Variants in NPHS1 observed in about 807,000 individuals in gnomAD.
The protein encoded by NPHS1 is nephrin.
A neutral mutation model predicts 139.7 loss-of-function variants in NPHS1; 107 were observed. The observed-to-expected ratio is 0.77, with a 90% CI of 0.66 to 0.90. The LOEUF (loss-of-function observed/expected upper bound fraction) is 0.90, where lower values mean the gene tolerates loss of function less well. Among genes scored for constraint, NPHS1 ranks in the 40% least tolerant of loss-of-function variants. The probability of loss-of-function intolerance (pLI) is 0.00; values close to 1 mark genes in which losing one functional copy is unlikely to be tolerated. For missense variants in NPHS1, 1,580 were observed against 1,654.2 expected (o/e 0.96, Z 0.78); for synonymous variants, 707 against 706.6 (o/e 1.00, Z -0.01).
chr19:35,835,651 C>T lies in NPHS1; in HGVS notation c.3166+54G>A, dbSNP rs200041658. ...AAGCAGAGGAGGTAGGGTCAGAGACCAGGAGGTTCCATTCTCAGGGGAGCC... is the reference window on the plus strand; with the variant it reads ...AAGCAGAGGAGGTAGGGTCAGAGACTAGGAGGTTCCATTCTCAGGGGAGCC... On this transcript the variant is annotated intron_variant, in intron 23 of 28. Transcript: ENST00000378910. 3.5e-4 allele frequency: 512 copies of T among 1,481,598 alleles called. 1 individual carries two copies. Among genetic ancestry groups the T allele is most frequent in the Non-Finnish European group, 3.7e-4 (388 of 1,060,466 alleles). The allele number at this position is 1,481,598 out of a possible 1,614,324, so 91.8% of individuals were successfully genotyped here. A position where few individuals can be genotyped will look rare whatever the true frequency, so the allele number is the denominator to read the frequency against.
At chr19:35,837,747 C>A (rs965724670) in intron 22 of NPHS1, among the ~76,000 whole-genome samples, 5 of 151,982 alleles carry the variant, frequency 3.3e-5, no homozygotes, top group African/African-American at 1.2e-4. Flanking sequence ...GGATTACAGG[C>A]ATGTGCCACC....
At position 35,849,336 on chromosome 19, in the gene NPHS1, C is replaced by T. The variant is rs1599845689; in HGVS notation, c.740G>A (p.Trp247Ter). ...CACGTGCCCCTCATCCAGGCCTGGC[C>T]ACTCGATGACAGGGGGTCCTGGAGG... is the stretch of plus-strand genomic sequence containing the variant. ...LFPPGPPVIE[W>*]PGLDEGHVRA... is the part of the protein sequence containing the mutation. The change falls in exon 7 of 29, where the codon TGG becomes TAG. Residue 247 changes from tryptophan (W) to a stop codon, truncating the protein, a stop_gained. Transcript: ENST00000378910. LOFTEE classifies it high-confidence loss of function. 1 of 1,612,678 alleles carries T rather than the reference C, an allele frequency of 6.2e-7. No individual in the cohort carries two copies. The highest frequency in any genetic ancestry group is 8.5e-7 in the Non-Finnish European group (1 of 1,179,922).
chr19:35,832,069 C>T (rs1972893194), intron 23 of NPHS1, among the ~76,000 whole-genome samples: 1 of 152,204 alleles, frequency 6.6e-6, no homozygotes, highest in Admixed American at 6.5e-5. Context: ...CAGCCTCTTC[C>T]CACGCCTCCA....
Position 35,849,452 on chromosome 19 carries a change from C to T in NPHS1, c.713-89G>A, listed in dbSNP as rs1038143609. ...CCTGCCTTTGAACCCCCATGTTTCTCTGAGTGCCTGAATTTCCATAATCCC... is the reference window on the plus strand; with the variant it reads ...CCTGCCTTTGAACCCCCATGTTTCTTTGAGTGCCTGAATTTCCATAATCCC... On this transcript the variant is annotated intron_variant, in intron 6 of 28. Transcript: ENST00000378910. 3 of 1,598,130 alleles carry T rather than the reference C, an allele frequency of 1.9e-6. No homozygotes were observed. In the African/African-American group the frequency reaches 4.0e-5, roughly 21 times the overall value.
chr19:35,835,942 A>C (rs1445134173), intron 22 of NPHS1, among the ~76,000 whole-genome samples, 181 bp from the exon 23 acceptor site: 1 of 148,946 alleles, frequency 6.7e-6, no homozygotes, highest in African/African-American at 2.5e-5. Flanking sequence ...TAGCAATTCT[A>C]ATGGTAACGC....
At chr19:35,831,783 T>C (rs549577729) in intron 23 of NPHS1, 21 bp from the exon 24 acceptor site, 13 of 1,554,196 alleles carry the variant, frequency 8.4e-6, no homozygotes, top group Non-Finnish European at 1.1e-5. Flanking sequence ...AAGATACCCC[T>C]CAGTGAATCC....
intron 8 of NPHS1, 55 bp downstream of exon 8, chr19:35,848,921 C>T (rs979891525): frequency 9.3e-6 from 15 of 1,610,954 alleles, no homozygotes; most frequent in Non-Finnish European, 1.3e-5. Context: ...GGGGCACACA[C>T]AGATGGTTCT....
chr19:35,831,529 T>A (rs989347374), intron 24 of NPHS1, 29 bp from the exon 25 acceptor site: 1 of 1,613,818 alleles, frequency 6.2e-7, no homozygotes, highest in Non-Finnish European at 8.5e-7. Context: ...AAGGGCTCAG[T>A]GACCCTATGC....
Position 35,831,326 on chromosome 19 carries a change from C to A in NPHS1, c.3357G>T (p.Trp1119Cys). 1 of 1,614,118 alleles carries A rather than the reference C, an allele frequency of 6.2e-7. No homozygotes were observed. The highest frequency in any genetic ancestry group is 8.5e-7 in the Non-Finnish European group (1 of 1,180,012). ...RVRNEYEESQ[W>C]TGERDTQSST... ...AGCTCTGAGTGTCCCGCTCTCCTGT[C>A]CACTGGCTCTCCTCATATTCGTTCC... The change falls in exon 26 of 29, where the codon TGG becomes TGT. Residue 1119 changes from tryptophan to cysteine, a missense_variant. Physicochemically the swap from Trp to Cys is radical, Grantham distance 215 (BLOSUM62 -2). Transcript: ENST00000378910.
chr19:35,843,757 T>C, intron 16 of NPHS1, 164 bp from the exon 17 acceptor site: 2 of 851,966 alleles, frequency 2.3e-6, no homozygotes, highest in South Asian at 1.7e-5. Context: ...TCAAGGTTGG[T>C]GAGGTTGTCT....
intron 28 of NPHS1, among the ~76,000 whole-genome samples, chr19:35,830,624 G>A (rs547906824): frequency 6.6e-4 from 101 of 152,316 alleles, no homozygotes; most frequent in Non-Finnish European, 9.3e-4. Flanking sequence ...GCCCAGGCTC[G>A]TCTCAAACTT....
intron 28 of NPHS1, among the ~76,000 whole-genome samples, chr19:35,828,943 G>A (rs1180391934): frequency 2.9e-5 from 4 of 139,040 alleles, no homozygotes; most frequent in South Asian, 4.9e-4. Flanking sequence ...CACAGAGACA[G>A]AAGGAAATCC....
chr19:35,852,177 C>G lies in NPHS1; in HGVS notation c.-340G>C, dbSNP rs1137844. On this transcript the variant is annotated 5_prime_UTR_variant, in exon 1 of 29. Transcript: ENST00000378910. ...CTCTTTCCTTCAAGCCATCCTCCCA[C>G]CTTGGCCTCCCCAAGTGTTGGGATT... Among the ~76,000 whole-genome samples, 38,798 of 150,262 alleles carry G rather than the reference C, an allele frequency of 0.26. 6,500 individuals carry two copies. Among genetic ancestry groups the G allele is most frequent in the East Asian group, 0.64 (3,204 of 5,028 alleles).
At chr19:35,826,720 T>C (rs1272146066) in intron 28 of NPHS1, 75 bp from the exon 29 acceptor site, 3 of 1,532,986 alleles carry the variant, frequency 2.0e-6, no homozygotes, top group African/African-American at 1.4e-5. Flanking sequence ...GGGGGATACA[T>C]GCCCCTGCTT....
chr19:35,835,203 A>G (rs1166450873), intron 23 of NPHS1, among the ~76,000 whole-genome samples: 1 of 146,338 alleles, frequency 6.8e-6, no homozygotes, highest in Admixed American at 6.8e-5. Flanking sequence ...CTGTCTCAAA[A>G]AAAAAAAAAA....
intron 23 of NPHS1, among the ~76,000 whole-genome samples, chr19:35,833,051 ATTT>A (rs58221236): frequency 1.4e-5 from 2 of 142,296 alleles, no homozygotes; most frequent in Admixed American, 7.0e-5. Context: ...CACCCGGCTA[ATTT>A]TTTTTTTTTT....
At position 35,831,082 on chromosome 19, in the gene NPHS1, G is replaced by A. The variant is rs777238619; in HGVS notation, c.3452C>T (p.Pro1151Leu). The part of the protein sequence containing the change: ...SLRDFSPQLP[P>L]TQEEVSYSRG... ...GGAATAAGACACCTCCTCCTGCGTC[G>A]GGGGCAGCTGGGGGCTGAAGTCCCT... Residue 1151 changes from proline (P) to leucine (L), a missense_variant, in exon 27 of 29, where the codon CCG becomes CTG. Coordinates refer to ENST00000378910, the MANE Select transcript of NPHS1 (RefSeq NM_004646.4). 7.4e-6 allele frequency: 12 copies of A among 1,613,894 alleles called. No homozygotes were observed. The highest frequency in any genetic ancestry group is 1.6e-4 in the Middle Eastern group (1 of 6,080).
rs1434712918 is a variant in NPHS1 at position 35,826,494 on chromosome 19, C to T, written c.*20G>A. On this transcript the variant is annotated 3_prime_UTR_variant, in exon 29 of 29. Transcript: ENST00000378910. Reference sequence around the variant, plus strand: ...AGTGTAAATTCCTGCAGGTGCAGGACAATGGGGTTGAGAGGGCTCTTACAC... The same window carrying T: ...AGTGTAAATTCCTGCAGGTGCAGGATAATGGGGTTGAGAGGGCTCTTACAC... The T allele has an allele frequency of 6.2e-7, 1 of 1,613,020 alleles. No individual in the cohort carries two copies. The highest frequency in any genetic ancestry group is 8.5e-7 in the Non-Finnish European group (1 of 1,179,918).
chr19:35,849,556 C>G lies in NPHS1; in HGVS notation c.706G>C (p.Val236Leu), dbSNP rs1020069539. 3 of 1,613,734 alleles carry G rather than the reference C, an allele frequency of 1.9e-6. No homozygotes were observed. Among genetic ancestry groups the G allele is most frequent in the Non-Finnish European group, 2.5e-6 (3 of 1,179,664 alleles). ...GGCCCAGTTCTCCACTTACACAGAA[C>G]ATTCACGGTGAATGAGGCCTTGATG... ...APIKASFTVN[V>L]LFPPGPPVIE... The change falls in exon 6 of 29, where the codon GTT (valine) becomes CTT (leucine). Residue 236 changes from valine (V) to leucine (L), a missense_variant. By Grantham distance (32) the Val-to-Leu change is conservative (BLOSUM62 1). Coordinates refer to ENST00000378910, the MANE Select transcript of NPHS1 (RefSeq NM_004646.4).
Sources: allele counts gnomAD v4.1 joint callset (sites outside exome capture counted in the v4.1 genomes callset), GRCh38; gene constraint gnomAD v4.1.1; transcripts MANE v1.5; gene names NCBI Gene and HGNC (gene_info 2026-07-23, HGNC 2026-07-21).